The following UNC5C variants were observed in gnomAD, a reference collection of about 807,000 sequenced individuals.
UNC5C encodes unc-5 netrin receptor C, also known as netrin receptor UNC5C.
A neutral mutation model predicts 99.8 loss-of-function variants in UNC5C; 47 were observed. The ratio of observed to expected loss-of-function variants is 0.47; its 90% confidence interval spans 0.37 to 0.60. UNC5C has a LOEUF of 0.60. Ranked by LOEUF, UNC5C falls within the 20% of genes least tolerant of loss-of-function variation. The pLI is 0.00. For synonymous variants in UNC5C, 487 were observed against 452.2 expected, an observed-to-expected ratio of 1.08 and a Z score of -0.98; for missense variants, 1,062 against 1,165.9, an observed-to-expected ratio of 0.91 and a Z score of 1.30.
chr4:95,520,316 G>GTCAAGAGTAAAAT (rs1560492669), intron 1 of UNC5C, among the ~76,000 whole-genome samples: 1 of 152,144 alleles, frequency 6.6e-6, no homozygotes, highest in Non-Finnish European at 1.5e-5. Flanking sequence ...TCAAATATAA[G>GTCAAGAGTAAAAT]TCAAGAGTAA....
At chr4:95,463,423 C>T (rs1271446267) in intron 1 of UNC5C, among the ~76,000 whole-genome samples, 2 of 151,992 alleles carry the variant, frequency 1.3e-5, no homozygotes, top group African/African-American at 2.4e-5. Context: ...GAACACTGAA[C>T]GAAGCACAAG....
chr4:95,186,809 G>A (rs1158787761), intron 12 of UNC5C, among the ~76,000 whole-genome samples: 2 of 152,044 alleles, frequency 1.3e-5, no homozygotes, highest in Non-Finnish European at 2.9e-5. Flanking sequence ...ACAGGAGCCC[G>A]AGCAGTCAGC....
At chr4:95,533,241 C>CA (rs899319675) in intron 1 of UNC5C, among the ~76,000 whole-genome samples, 17 of 151,268 alleles carry the variant, frequency 1.1e-4, no homozygotes, top group Non-Finnish European at 1.6e-4. Context: ...ACTAAAAATA[C>CA]AAAAAAAATT....
At chr4:95,213,981 G>A (rs1239281751) in intron 10 of UNC5C, among the ~76,000 whole-genome samples, 2 of 152,194 alleles carry the variant, frequency 1.3e-5, no homozygotes, top group African/African-American at 4.8e-5. Flanking sequence ...CCTTGCTAAG[G>A]TACTAACTGA....
chr4:95,250,442 T>C lies in UNC5C; in HGVS notation c.775+45A>G, dbSNP rs556612665. ...AGCTTTACCGATGCCAACGAGAAAC[T>C]GCAGTTAAACATGAACTAGATTGAG... On this transcript the variant is annotated intron_variant, in intron 5 of 15. Transcript: ENST00000453304. The C allele has an allele frequency of 2.4e-5, 38 of 1,566,232 alleles. No homozygotes were observed. The South Asian group carries it at 4.2e-4, about 17-fold the overall frequency.
intron 3 of UNC5C, among the ~76,000 whole-genome samples, chr4:95,292,230 CACACACATATATATATAT>C (rs1741492593): frequency 1.1e-5 from 1 of 87,968 alleles, no homozygotes; most frequent in African/African-American, 5.5e-5. Context: ...CACACACACA[CACACACATATATATATAT>C]ATATATATAT....
At chr4:95,241,450 A>T (rs141108139) in intron 7 of UNC5C, among the ~76,000 whole-genome samples, 111 of 152,388 alleles carry the variant, frequency 7.3e-4, no homozygotes, top group Middle Eastern at 3.4e-3. Flanking sequence ...ACAGGATTTC[A>T]TAAGTGTGGT....
At chr4:95,225,368 T>A (rs1165514112) in intron 7 of UNC5C, among the ~76,000 whole-genome samples, 1 of 152,124 alleles carries the variant, frequency 6.6e-6, no homozygotes, top group Non-Finnish European at 1.5e-5. Context: ...CCACAGTGAG[T>A]TTTGATTTTA....
At chr4:95,183,744 G>A (rs1736712537) in intron 13 of UNC5C, among the ~76,000 whole-genome samples, 1 of 152,234 alleles carries the variant, frequency 6.6e-6, no homozygotes, top group Admixed American at 6.5e-5. Context: ...GAGCATGGCT[G>A]TAAAAAGCAG....
At chr4:95,198,458 A>AGAT (rs1485120917) in intron 12 of UNC5C, among the ~76,000 whole-genome samples, 1 of 152,192 alleles carries the variant, frequency 6.6e-6, no homozygotes, top group Non-Finnish European at 1.5e-5. Context: ...GCCAGTGAAT[A>AGAT]GATAATGTAA....
intron 1 of UNC5C, among the ~76,000 whole-genome samples, chr4:95,388,941 G>A (rs531408283): frequency 6.6e-6 from 1 of 152,102 alleles, no homozygotes; most frequent in African/African-American, 2.4e-5. Context: ...ATATATAAAA[G>A]TGTTTCCTAG....
chr4:95,322,670 G>A (rs1049557774), intron 2 of UNC5C, among the ~76,000 whole-genome samples: 9 of 151,986 alleles, frequency 5.9e-5, no homozygotes, highest in Non-Finnish European at 2.9e-5. Flanking sequence ...CAGGCACGGT[G>A]GCTCACACCT....
chr4:95,367,001 C>A lies in UNC5C; in HGVS notation c.125-31370G>T, dbSNP rs150469854. Among the ~76,000 whole-genome samples, 692 of 152,202 alleles carry A rather than the reference C, an allele frequency of 4.5e-3. 6 individuals are homozygous for A. The highest frequency in any genetic ancestry group is 0.016 in the African/African-American group (660 of 41,534). On this transcript the variant is annotated intron_variant, in intron 1 of 15. Coordinates refer to ENST00000453304, the MANE Select transcript of UNC5C (RefSeq NM_003728.4). ...ATTTGACTAGTCATTTGAAGTTCAG[C>A]AAAACCCTTCACAAACCTGTATCAT...
chr4:95,519,545 AAAAC>A (rs1431446000), intron 1 of UNC5C, among the ~76,000 whole-genome samples: 4 of 152,178 alleles, frequency 2.6e-5, no homozygotes, highest in African/African-American at 7.2e-5. Flanking sequence ...TTAAAAAAAA[AAAAC>A]AAACTTTTCC....
intron 2 of UNC5C, among the ~76,000 whole-genome samples, chr4:95,323,092 A>G (rs1003756832): frequency 6.6e-6 from 1 of 152,178 alleles, no homozygotes; most frequent in African/African-American, 2.4e-5. Flanking sequence ...TTGGGTTTGT[A>G]TATAGAAAGA....
intron 1 of UNC5C, among the ~76,000 whole-genome samples, chr4:95,383,964 A>G (rs529875114): frequency 3.3e-5 from 5 of 152,322 alleles, no homozygotes; most frequent in African/African-American, 7.2e-5. Flanking sequence ...TGGTTAAAAA[A>G]TGGGAACTAG....
intron 1 of UNC5C, among the ~76,000 whole-genome samples, chr4:95,433,620 C>T (rs569220980): frequency 9.9e-5 from 15 of 152,092 alleles, no homozygotes; most frequent in East Asian, 7.7e-4. Context: ...ACCCAAGAAC[C>T]GTCCCAGTAA....
At chr4:95,297,078 T>C (rs185725137) in intron 3 of UNC5C, among the ~76,000 whole-genome samples, 3 of 152,164 alleles carry the variant, frequency 2.0e-5, no homozygotes, top group Non-Finnish European at 4.4e-5. Context: ...GACTAGTCTA[T>C]GTAGGGGAAT....
intron 1 of UNC5C, among the ~76,000 whole-genome samples, chr4:95,522,385 T>C (rs1319583307): frequency 4.6e-5 from 7 of 152,072 alleles, no homozygotes; most frequent in Non-Finnish European, 7.4e-5. Context: ...AAAGCTATTC[T>C]GAATGAAGAT....
Sources: gnomAD v4.1 joint callset for allele counts (sites outside exome capture counted in the v4.1 genomes callset) on GRCh38, gnomAD v4.1.1 for gene constraint, MANE v1.5 for transcripts, NCBI Gene and HGNC (gene_info 2026-07-23, HGNC 2026-07-21) for gene names.